The following ZBTB20 variants were observed in gnomAD, a reference collection of about 807,000 sequenced individuals.
The protein encoded by ZBTB20 is zinc finger and BTB domain-containing protein 20.
ZBTB20 carries 9 observed loss-of-function variants against 56.9 expected under a neutral mutation model. The observed-to-expected ratio is 0.16, with a 90% CI of 0.10 to 0.28. ZBTB20 has a LOEUF of 0.28. ZBTB20 is among the 10% of genes least tolerant of loss of function. The probability of loss-of-function intolerance (pLI) is 1.00; values close to 1 mark genes in which losing one functional copy is unlikely to be tolerated. For missense variants in ZBTB20, 655 were observed against 1,003.0 expected, an observed-to-expected ratio of 0.65 and a Z score of 4.69; for synonymous variants, 417 against 420.7, an observed-to-expected ratio of 0.99 and a Z score of 0.11.
chr3:114,539,658 C>T (rs537498446), intron 6 of ZBTB20, among the ~76,000 whole-genome samples: 8 of 152,124 alleles, frequency 5.3e-5, no homozygotes, highest in Non-Finnish European at 1.0e-4. Flanking sequence ...AATATCCAGA[C>T]GTCATCTCCT....
intron 4 of ZBTB20, among the ~76,000 whole-genome samples, chr3:114,830,740 G>C (rs1271939722): frequency 6.6e-6 from 1 of 151,944 alleles, no homozygotes; most frequent in Non-Finnish European, 1.5e-5. Flanking sequence ...TTCAAAGTCA[G>C]ATCTGTCTGG....
chr3:114,404,364 T>A (rs1205880169), intron 7 of ZBTB20, among the ~76,000 whole-genome samples: 1 of 152,148 alleles, frequency 6.6e-6, no homozygotes, highest in Non-Finnish European at 1.5e-5. Flanking sequence ...TTCAACTTGT[T>A]TATGAAGTCC....
At chr3:114,884,039 C>T (rs1384773882) in intron 4 of ZBTB20, among the ~76,000 whole-genome samples, 1 of 140,404 alleles carries the variant, frequency 7.1e-6, no homozygotes, top group Non-Finnish European at 1.5e-5. Flanking sequence ...CATTCTCCTG[C>T]CTCAGCCTCC....
intron 7 of ZBTB20, among the ~76,000 whole-genome samples, chr3:114,413,823 A>G (rs1308574899): frequency 6.6e-6 from 1 of 152,150 alleles, no homozygotes; most frequent in Non-Finnish European, 1.5e-5. Context: ...GTAAATTAAC[A>G]AAGGTCACAC....
At chr3:114,498,247 T>C (rs181182879) in intron 7 of ZBTB20, among the ~76,000 whole-genome samples, 23 of 152,320 alleles carry the variant, frequency 1.5e-4, no homozygotes, top group African/African-American at 5.5e-4. Context: ...AGTAATGGAA[T>C]GGGAAATTCT....
At chr3:114,572,640 C>T (rs1354713075) in intron 6 of ZBTB20, among the ~76,000 whole-genome samples, 1 of 152,132 alleles carries the variant, frequency 6.6e-6, no homozygotes, top group Non-Finnish European at 1.5e-5. Context: ...TTTAGTTACT[C>T]CAGCACTATG....
chr3:114,843,079 C>T (rs539960552), intron 4 of ZBTB20, among the ~76,000 whole-genome samples: 27 of 152,244 alleles, frequency 1.8e-4, no homozygotes, highest in African/African-American at 5.8e-4. Context: ...CCATGTAAGA[C>T]GTGCCTTGCT....
intron 3 of ZBTB20, among the ~76,000 whole-genome samples, chr3:114,905,389 A>G (rs1444754711): frequency 6.6e-6 from 1 of 151,872 alleles, no homozygotes; most frequent in Non-Finnish European, 1.5e-5. Flanking sequence ...TATCTCCTCC[A>G]GAATCTGATA....
chr3:114,374,263 T>G (rs1359655648), intron 10 of ZBTB20, among the ~76,000 whole-genome samples: 1 of 152,124 alleles, frequency 6.6e-6, no homozygotes, highest in Non-Finnish European at 1.5e-5. Flanking sequence ...ACAGTTTAAA[T>G]GAAAAGATAA....
At chr3:114,649,817 G>T (rs1243200072) in intron 6 of ZBTB20, among the ~76,000 whole-genome samples, 1 of 151,836 alleles carries the variant, frequency 6.6e-6, no homozygotes, top group African/African-American at 2.4e-5. Context: ...AGCTAAATGA[G>T]ATAACATTAA....
At position 114,351,749 on chromosome 3, in the gene ZBTB20, A is replaced by G; in HGVS notation, c.329T>C (p.Ile110Thr). ...RGHFCDVTVR[I>T]HGSMLRAHRC... ...GTGTGCGCGCAGCATGCTCCCGTGG[A>G]TGCGCACCGTTACGTCACAGAAGTG... The change falls in exon 11 of 12, where the codon ATC (isoleucine) becomes ACC (threonine). Residue 110 changes from isoleucine to threonine, a missense_variant. Ile to Thr is a moderately conservative substitution (Grantham distance 89, BLOSUM62 -1). Transcript: ENST00000675478. 6.2e-7 allele frequency: 1 copy of G among 1,614,054 alleles called. No individual in the cohort carries two copies. Among genetic ancestry groups the G allele is most frequent in the Non-Finnish European group, 8.5e-7 (1 of 1,180,004 alleles).
chr3:114,958,508 T>C (rs181793720), intron 3 of ZBTB20, among the ~76,000 whole-genome samples: 327 of 152,270 alleles, frequency 2.1e-3, no homozygotes, highest in Non-Finnish European at 4.0e-3. Context: ...ACAGTCTTTT[T>C]CTTACGGATT....
In ZBTB20 at chr3:114,440,271, T is replaced by C. The variant is rs545508871; in HGVS notation, c.-254-51166A>G. ...CTGTGAAGTAGATGAGGATAGATGG[T>C]TTTCTATTTATTTGACAAATACACT... On this transcript the variant is annotated intron_variant, in intron 7 of 11. Transcript: ENST00000675478. Among the ~76,000 whole-genome samples the C allele has an allele frequency of 2.6e-5, 4 of 152,224 alleles. No individual in the cohort carries two copies. The South Asian group carries it at 6.2e-4, about 24-fold the overall frequency.
chr3:114,417,940 A>T (rs943242964), intron 7 of ZBTB20, among the ~76,000 whole-genome samples: 1 of 152,016 alleles, frequency 6.6e-6, no homozygotes, highest in African/African-American at 2.4e-5. Context: ...GTGTGTAGTG[A>T]CCAAGATTGG....
intron 4 of ZBTB20, among the ~76,000 whole-genome samples, chr3:114,803,481 C>T (rs1020037589): frequency 1.3e-5 from 2 of 151,714 alleles, no homozygotes; most frequent in African/African-American, 4.8e-5. Context: ...TCTTACTTTG[C>T]GCCAGGACTC....
chr3:114,882,340 T>C (rs1270056785), intron 4 of ZBTB20, among the ~76,000 whole-genome samples: 2 of 152,070 alleles, frequency 1.3e-5, no homozygotes, highest in African/African-American at 2.4e-5. Context: ...AATTCTCATA[T>C]AATGTTGTTA....
chr3:114,734,512 G>T (rs376803847), intron 5 of ZBTB20, among the ~76,000 whole-genome samples: 1 of 151,968 alleles, frequency 6.6e-6, no homozygotes, highest in South Asian at 2.1e-4. Context: ...GATTTTAAGT[G>T]AAACAACATA....
Position 114,351,482 on chromosome 3 carries a change from T to G in ZBTB20, c.596A>C (p.Asp199Ala). The G allele has an allele frequency of 6.2e-7, 1 of 1,613,792 alleles. No homozygotes were observed. The change falls in exon 11 of 12, where the codon GAT becomes GCT. Residue 199 changes from aspartate (D) to alanine (A), a missense_variant. By Grantham distance (126) the Asp-to-Ala change is moderately radical (BLOSUM62 -2). Around this residue, in one of 10 missense-constraint regions of ZBTB20, gnomAD observed 167 missense variants for 281.9 expected, o/e 0.59. Transcript: ENST00000675478. The part of the protein sequence containing the change: ...CTRIVSQNVG[D>A]VFPGIQDSGQ... ...CGAGTCCTGGATCCCCGGGAACACA[T>G]CGCCCACGTTCTGTGACACGATGCG...
chr3:114,980,431 T>C (rs924661390), intron 2 of ZBTB20, among the ~76,000 whole-genome samples: 1 of 151,962 alleles, frequency 6.6e-6, no homozygotes, highest in African/African-American at 2.4e-5. Context: ...TTTAGCCATT[T>C]TAGTAAAAGC....
Sources: allele counts gnomAD v4.1 joint callset (sites outside exome capture counted in the v4.1 genomes callset), GRCh38; gene constraint gnomAD v4.1.1; regional missense constraint gnomAD v4.1.1; transcripts MANE v1.5; gene names NCBI Gene and HGNC (gene_info 2026-07-23, HGNC 2026-07-21).